The following EIF4G3 variants were observed in gnomAD, a reference collection of about 807,000 sequenced individuals.
EIF4G3 encodes the protein eIF-4-gamma 3.
In EIF4G3, 34 loss-of-function variants were observed where a neutral mutation model predicts 186.4. The ratio of observed to expected loss-of-function variants is 0.18; its 90% CI spans 0.14 to 0.24. The LOEUF is 0.24. EIF4G3 is among the 10% of genes least tolerant of loss of function. The pLI is 1.00. For missense variants in EIF4G3, 1,536 were observed against 1,948.5 expected, an observed-to-expected ratio of 0.79 and a Z score of 3.99; for synonymous variants, 673 against 679.5, an observed-to-expected ratio of 0.99 and a Z score of 0.15.
rs71014156 is a variant in EIF4G3, at chr1:21,117,736, TAAAAAAAAAAA to T, written c.-271-28534_-271-28524del. On this transcript the variant is annotated intron_variant, in intron 2 of 36. Coordinates refer to ENST00000602326, the MANE Select transcript of EIF4G3 (RefSeq NM_001391906.1). Reference sequence around the variant, plus strand: ...GGCCTTTCACTGTCCCAGTATATAGTAAAAAAAAAAAAAAAAAAAAAAAAATTAAAAGCAGA... The same window carrying T: ...GGCCTTTCACTGTCCCAGTATATAGTAAAAAAAAAAAAAATTAAAAGCAGA... Among the ~76,000 whole-genome samples the T allele has an allele frequency of 8.2e-5, 6 of 73,088 alleles. 1 individual carries two copies. Among genetic ancestry groups the T allele is most frequent in the East Asian group, 1.1e-3 (2 of 1,756 alleles). The allele number at this position is 73,088 out of a possible 152,430, so 47.9% of individuals were successfully genotyped here.
At chr1:20,989,971 G>A (rs989271727) in intron 7 of EIF4G3, among the ~76,000 whole-genome samples, 1 of 152,138 alleles carries the variant, frequency 6.6e-6, no homozygotes, top group Non-Finnish European at 1.5e-5. Flanking sequence ...GAGGTCAGGA[G>A]TTTAAGACCA....
chr1:20,901,238 T>A (rs2090176056), intron 15 of EIF4G3, among the ~76,000 whole-genome samples: 1 of 152,166 alleles, frequency 6.6e-6, no homozygotes, highest in Admixed American at 6.5e-5. Context: ...AAAGTAGGTA[T>A]CATTTAAACA....
chr1:21,063,723 G>C (rs868392852), intron 3 of EIF4G3, among the ~76,000 whole-genome samples: 2,187 of 120,796 alleles, frequency 0.018, 40 homozygotes, highest in Non-Finnish European at 0.028. Flanking sequence ...GGGGTGTTGG[G>C]GGGGGGGACG....
chr1:20,989,068 GA>G (rs2080308385), intron 7 of EIF4G3, among the ~76,000 whole-genome samples: 1 of 62,778 alleles, frequency 1.6e-5, no homozygotes, highest in Non-Finnish European at 3.3e-5. Context: ...GAGGGGAGGG[GA>G]GGGGAGGGGA....
chr1:20,923,938 A>T (rs2094681115), intron 14 of EIF4G3, among the ~76,000 whole-genome samples: 1 of 152,120 alleles, frequency 6.6e-6, no homozygotes, highest in Non-Finnish European at 1.5e-5. Flanking sequence ...CACATGGTAG[A>T]TATAAATTAG....
At position 20,879,358 on chromosome 1, in the gene EIF4G3, C is replaced by T; in HGVS notation, c.2587G>A (p.Val863Met). 6.2e-7 allele frequency: 1 copy of T among 1,605,618 alleles called. No homozygotes were observed. Among genetic ancestry groups the T allele is most frequent in the Non-Finnish European group, 8.5e-7 (1 of 1,176,056 alleles). Residue 863 changes from valine (V) to methionine (M), a missense_variant, in exon 20 of 37, where the codon GTG becomes ATG. Around this residue, in one of 11 missense-constraint regions of EIF4G3, gnomAD observed 77 missense variants for 131.6 expected, o/e 0.59. Coordinates refer to ENST00000602326, the MANE Select transcript of EIF4G3 (RefSeq NM_001391906.1). ...CATCGACACATGTTTGCGTAAGCCA[C>T]AGAGAAACTGGGTTCATCAATAGCC... is the stretch of plus-strand genomic sequence containing the variant. ...EKAIDEPSFS[V>M]AYANMCRCLV... is the part of the protein sequence containing the mutation.
At chr1:21,149,317 T>TA (rs1043330689) in intron 2 of EIF4G3, among the ~76,000 whole-genome samples, 2 of 152,168 alleles carry the variant, frequency 1.3e-5, no homozygotes, top group African/African-American at 4.8e-5. Flanking sequence ...ATCAATGAGT[T>TA]AGAGTTATGA....
chr1:20,887,182 T>C (rs895774479), intron 18 of EIF4G3, among the ~76,000 whole-genome samples: 2 of 150,362 alleles, frequency 1.3e-5, no homozygotes, highest in East Asian at 1.9e-4. Flanking sequence ...TTTTCTGATA[T>C]ATCATTCTGT....
chr1:20,813,761 G>A (rs1258517409), intron 34 of EIF4G3, among the ~76,000 whole-genome samples: 4 of 151,502 alleles, frequency 2.6e-5, no homozygotes, highest in African/African-American at 7.3e-5. Flanking sequence ...CAGGAGAATC[G>A]TTTGAACCTG....
intron 4 of EIF4G3, among the ~76,000 whole-genome samples, chr1:21,005,179 A>C (rs988673484): frequency 2.0e-5 from 3 of 152,178 alleles, no homozygotes; most frequent in Non-Finnish European, 4.4e-5. Flanking sequence ...ATTTCTTATT[A>C]ATTCTGGCTC....
intron 4 of EIF4G3, among the ~76,000 whole-genome samples, chr1:21,026,917 A>C (rs1404446457): frequency 4.1e-5 from 6 of 147,502 alleles, no homozygotes; most frequent in Non-Finnish European, 9.0e-5. Flanking sequence ...AGCCTGCGTG[A>C]CAGAGGGAGA....
chr1:20,877,197 T>A (rs932238007), intron 20 of EIF4G3, among the ~76,000 whole-genome samples: 1 of 152,174 alleles, frequency 6.6e-6, no homozygotes, highest in Non-Finnish European at 1.5e-5. Context: ...AGCATTAAAG[T>A]GTGATCCAGA....
At chr1:21,129,041 G>T (rs1040282318) in intron 2 of EIF4G3, among the ~76,000 whole-genome samples, 1 of 152,098 alleles carries the variant, frequency 6.6e-6, no homozygotes, top group Non-Finnish European at 1.5e-5. Flanking sequence ...CTGGCCGGGC[G>T]GGGTAGCTCA....
At chr1:21,058,553 G>A (rs766448967) in intron 3 of EIF4G3, among the ~76,000 whole-genome samples, 1 of 151,340 alleles carries the variant, frequency 6.6e-6, no homozygotes, top group Non-Finnish European at 1.5e-5. Context: ...ATGAAATCGG[G>A]TCTCACTGTG....
chr1:21,135,228 GGT>G (rs1463798450), intron 2 of EIF4G3, among the ~76,000 whole-genome samples: 4 of 152,224 alleles, frequency 2.6e-5, no homozygotes, highest in Non-Finnish European at 5.9e-5. Context: ...GGCCAGGCAT[GGT>G]GGCTCACGCC....
chr1:20,882,279 GGCAGGAGGACT>G (rs1417659514), intron 19 of EIF4G3, among the ~76,000 whole-genome samples: 3 of 152,040 alleles, frequency 2.0e-5, no homozygotes, highest in Non-Finnish European at 4.4e-5. Flanking sequence ...GGGAGGCCAA[GGCAGGAGGACT>G]GCAGGAGGCC....
intron 20 of EIF4G3, among the ~76,000 whole-genome samples, chr1:20,868,099 T>TTTTTTTTTTTTTTTTTTG: frequency 7.1e-6 from 1 of 139,874 alleles, no homozygotes; most frequent in East Asian, 2.1e-4. Flanking sequence ...TCTTTTTTTT[T>TTTTTTTTTTTTTTTTTTG]TTTTTTTGTC....
chr1:20,889,051 G>C (rs1269704102), intron 18 of EIF4G3, among the ~76,000 whole-genome samples: 1 of 152,166 alleles, frequency 6.6e-6, no homozygotes, highest in Non-Finnish European at 1.5e-5. Context: ...CTCAAAGTCT[G>C]GGGTTGATTA....
At chr1:21,071,695 A>G (rs2095444483) in intron 3 of EIF4G3, among the ~76,000 whole-genome samples, 1 of 151,842 alleles carries the variant, frequency 6.6e-6, no homozygotes, top group Non-Finnish European at 1.5e-5. Context: ...AATCCCAGCT[A>G]CTCAGGAGGC....
Sources: allele counts gnomAD v4.1 joint callset (sites outside exome capture counted in the v4.1 genomes callset), GRCh38; gene constraint gnomAD v4.1.1; regional missense constraint gnomAD v4.1.1; transcripts MANE v1.5; gene names NCBI Gene and HGNC (gene_info 2026-07-23, HGNC 2026-07-21).